The following RANBP17 variants were observed in gnomAD, a reference collection of about 807,000 sequenced individuals.
RANBP17 encodes ran-binding protein 17.
In RANBP17, 158 loss-of-function variants were observed where a neutral mutation model predicts 141.2. The observed-to-expected ratio is 1.12, with a 90% CI of 0.98 to 1.28. RANBP17 has a LOEUF of 1.28. Ranked by LOEUF, RANBP17 falls within the 50% of genes most tolerant of loss-of-function variation. The pLI is 0.00. For missense variants in RANBP17, 1,438 were observed against 1,290.7 expected (o/e 1.11, Z -1.75); for synonymous variants, 430 against 450.0 (o/e 0.96, Z 0.56).
chr5:171,102,207 T>A (rs1426319436), intron 14 of RANBP17, among the ~76,000 whole-genome samples: 1 of 152,200 alleles, frequency 6.6e-6, no homozygotes, highest in Non-Finnish European at 1.5e-5. Context: ...GGTTCCATTC[T>A]TCCCGTCACT....
chr5:171,213,523 T>C lies in RANBP17; in HGVS notation c.2232-108T>C, dbSNP rs144426662. On this transcript the variant is annotated intron_variant, in intron 20 of 27. Transcript: ENST00000523189. The stretch of plus-strand genomic sequence containing the variant: ...TAGACATAGAACAAATTAGTATAAA[T>C]ATAGAACAAATGTGGATTCCCTTTT... 9.4e-4 allele frequency: 726 copies of C among 775,036 alleles called. 3 individuals are homozygous for C. The highest frequency in any genetic ancestry group is 7.9e-3 in the African/African-American group (458 of 58,260). 48.0% of individuals were successfully genotyped at this position (775,036 alleles called of 1,614,324 possible).
At chr5:171,025,848 A>G (rs900353473) in intron 14 of RANBP17, among the ~76,000 whole-genome samples, 3 of 152,092 alleles carry the variant, frequency 2.0e-5, no homozygotes, top group African/African-American at 7.2e-5. Context: ...TCGGTCTCCC[A>G]ATGTTCTGGG....
intron 10 of RANBP17, 136 bp from the exon 11 acceptor site, chr5:170,919,305 G>A: frequency 1.8e-6 from 1 of 555,156 alleles, no homozygotes; most frequent in Non-Finnish European, 2.9e-6. Context: ...TTATAAATTT[G>A]CTATATTATG....
chr5:170,936,233 T>C (rs1773866577), intron 12 of RANBP17, among the ~76,000 whole-genome samples: 1 of 152,194 alleles, frequency 6.6e-6, no homozygotes, highest in South Asian at 2.1e-4. Flanking sequence ...CCTGGACCTC[T>C]TGCGCTTCCA....
At chr5:171,121,061 C>T (rs535519304) in intron 14 of RANBP17, among the ~76,000 whole-genome samples, 9 of 152,192 alleles carry the variant, frequency 5.9e-5, no homozygotes, top group Admixed American at 4.6e-4. Context: ...TTTATGGTGG[C>T]GGTGGTCCAG....
In RANBP17 at chr5:171,252,235, G is replaced by A; in HGVS notation, c.2776+9415G>A. 1.9e-6 allele frequency: 3 copies of A among 1,573,984 alleles called. No individual in the cohort carries two copies. In the South Asian group the frequency reaches 3.4e-5, roughly 18 times the overall value. ...AAATACAATTGCTGATATTTTACAA[G>A]AAGAGAGAAAGCAAGAAAAACAAAA... is the stretch of plus-strand genomic sequence containing the variant. On this transcript the variant is annotated intron_variant, in intron 24 of 27. Coordinates refer to ENST00000523189, the MANE Select transcript of RANBP17 (RefSeq NM_022897.5).
At chr5:171,071,950 A>C (rs811407) in intron 14 of RANBP17, among the ~76,000 whole-genome samples, 6 of 151,844 alleles carry the variant, frequency 4.0e-5, no homozygotes, top group Non-Finnish European at 8.8e-5. Flanking sequence ...TGAAAAGTCA[A>C]GTGCTGAATG....
At chr5:170,963,475 G>A (rs1776292257) in intron 13 of RANBP17, among the ~76,000 whole-genome samples, 1 of 152,178 alleles carries the variant, frequency 6.6e-6, no homozygotes, top group Non-Finnish European at 1.5e-5. Flanking sequence ...CTTCTGCATG[G>A]CATTAAACAT....
chr5:171,044,202 A>C (rs907418369), intron 14 of RANBP17, among the ~76,000 whole-genome samples: 2 of 152,004 alleles, frequency 1.3e-5, no homozygotes, highest in Non-Finnish European at 2.9e-5. Flanking sequence ...TTACATTTTA[A>C]TTTTAATGCC....
intron 14 of RANBP17, among the ~76,000 whole-genome samples, chr5:171,010,795 G>C (rs895281567): frequency 5.9e-5 from 9 of 152,090 alleles, no homozygotes; most frequent in Non-Finnish European, 7.4e-5. Flanking sequence ...CAGTAAATTT[G>C]ACAACTTAGA....
At chr5:171,086,321 A>G (rs1303648764) in intron 14 of RANBP17, among the ~76,000 whole-genome samples, 3 of 150,744 alleles carry the variant, frequency 2.0e-5, no homozygotes, top group Non-Finnish European at 4.4e-5. Context: ...AGCCCACTTG[A>G]TCATGGTGGA....
At chr5:170,968,452 A>T (rs1248568093) in intron 14 of RANBP17, 75 bp downstream of exon 14, 1 of 1,345,116 alleles carries the variant, frequency 7.4e-7, no homozygotes, top group Non-Finnish European at 1.1e-6. Context: ...TGAATGATAT[A>T]TTTGGGAAAT....
chr5:171,152,297 G>A (rs1286611012), intron 14 of RANBP17, among the ~76,000 whole-genome samples: 4 of 151,610 alleles, frequency 2.6e-5, no homozygotes, highest in South Asian at 4.2e-4. Context: ...GCACATGCCT[G>A]CAATCCCAGC....
intron 14 of RANBP17, among the ~76,000 whole-genome samples, chr5:171,149,142 T>A (rs1488478052): frequency 6.6e-6 from 1 of 152,212 alleles, no homozygotes; most frequent in African/African-American, 2.4e-5. Context: ...TCAACTTCCC[T>A]GGCCACTGTA....
At chr5:170,985,134 CAG>C (rs1778061193) in intron 14 of RANBP17, among the ~76,000 whole-genome samples, 1 of 151,628 alleles carries the variant, frequency 6.6e-6, no homozygotes, top group Non-Finnish European at 1.5e-5. Context: ...TACACAAACA[CAG>C]ACACACACAA....
At chr5:171,003,987 A>G (rs1779406482) in intron 14 of RANBP17, among the ~76,000 whole-genome samples, 1 of 152,234 alleles carries the variant, frequency 6.6e-6, no homozygotes, top group Non-Finnish European at 1.5e-5. Context: ...TAAGGCACAG[A>G]TATTGAACTA....
rs1322728948 is a variant in RANBP17, at chr5:171,097,180, CTCTT to C, written c.1711-72948_1711-72945del. On this transcript the variant is annotated intron_variant, in intron 14 of 27. Transcript: ENST00000523189. ...CATGTTACCTCCATTTTTAGTGTCTCTCTTTAGCTTGTCCCTTCCTTTAGTCAAG... is the reference window on the plus strand; with the variant it reads ...CATGTTACCTCCATTTTTAGTGTCTCTAGCTTGTCCCTTCCTTTAGTCAAG... Among the ~76,000 whole-genome samples the C allele has an allele frequency of 2.6e-5, 4 of 152,144 alleles. No individual in the cohort carries two copies. In the South Asian group the frequency reaches 8.3e-4, roughly 32 times the overall value.
At chr5:171,287,489 T>C (rs1410116691) in intron 25 of RANBP17, among the ~76,000 whole-genome samples, 1 of 131,728 alleles carries the variant, frequency 7.6e-6, no homozygotes, top group Non-Finnish European at 1.6e-5. Context: ...AAACTCCATC[T>C]CAAAAAAAAA....
intron 20 of RANBP17, among the ~76,000 whole-genome samples, chr5:171,210,461 G>A (rs780847629): frequency 1.3e-5 from 2 of 152,120 alleles, no homozygotes; most frequent in African/African-American, 2.4e-5. Context: ...TGGTCCTAAT[G>A]CCATTATAGG....
Sources: gnomAD v4.1 joint callset for allele counts (sites outside exome capture counted in the v4.1 genomes callset) on GRCh38, gnomAD v4.1.1 for gene constraint, MANE v1.5 for transcripts, NCBI Gene and HGNC (gene_info 2026-07-23, HGNC 2026-07-21) for gene names.